Variants in OCA2 observed in about 807,000 individuals in gnomAD.
OCA2 encodes P protein.
Under a neutral mutation model 100.2 loss-of-function variants are expected in OCA2, and 77 were observed. That is an observed-to-expected ratio of 0.77 (90% CI 0.64 to 0.93). The LOEUF is 0.93. OCA2 is among the 40% of genes least tolerant of loss of function. The pLI is 0.00. For missense variants in OCA2, 1,062 were observed against 1,089.1 expected (o/e 0.98, Z 0.35); for synonymous variants, 432 against 439.2 (o/e 0.98, Z 0.21).
chr15:27,954,671 A>T (rs2040156433), intron 17 of OCA2, among the ~76,000 whole-genome samples: 1 of 152,002 alleles, frequency 6.6e-6, no homozygotes, highest in Admixed American at 6.5e-5. Flanking sequence ...ATGGGCTGAG[A>T]AAGTCCACCC....
At chr15:27,798,098 A>G (rs989282885) in intron 23 of OCA2, among the ~76,000 whole-genome samples, 1 of 152,256 alleles carries the variant, frequency 6.6e-6, no homozygotes, top group East Asian at 1.9e-4. Context: ...ATAAGCAAAG[A>G]GCAAACATTT....
intron 23 of OCA2, among the ~76,000 whole-genome samples, chr15:27,782,693 C>T (rs2032605130): frequency 6.6e-6 from 1 of 152,198 alleles, no homozygotes; most frequent in Non-Finnish European, 1.5e-5. Flanking sequence ...AGTGCTAATG[C>T]GACATCTTTC....
intron 23 of OCA2, among the ~76,000 whole-genome samples, chr15:27,792,622 G>A (rs756397706): frequency 3.2e-4 from 49 of 152,080 alleles, no homozygotes; most frequent in Non-Finnish European, 5.3e-4. Context: ...CTCCACAGCC[G>A]AGTTAGCATC....
chr15:27,835,908 G>C (rs1020124354), intron 23 of OCA2, among the ~76,000 whole-genome samples: 18 of 152,184 alleles, frequency 1.2e-4, no homozygotes, highest in African/African-American at 4.3e-4. Context: ...GTGGAGGGGG[G>C]GTGGTCACCC....
downstream of OCA2, among the ~76,000 whole-genome samples, chr15:27,753,112 A>C (rs1385792708): frequency 6.6e-6 from 1 of 152,088 alleles, no homozygotes; most frequent in Non-Finnish European, 1.5e-5. Context: ...TTTAGAGCAT[A>C]AACAAACAAC....
chr15:27,880,486 T>G (rs1042524845), intron 19 of OCA2, among the ~76,000 whole-genome samples: 1 of 152,216 alleles, frequency 6.6e-6, no homozygotes, highest in African/African-American at 2.4e-5. Flanking sequence ...TTCCTATCCA[T>G]GAACATGGTA....
intron 23 of OCA2, among the ~76,000 whole-genome samples, chr15:27,771,038 C>T (rs1164938632): frequency 1.4e-5 from 2 of 142,540 alleles, no homozygotes; most frequent in African/African-American, 5.4e-5. Flanking sequence ...CCCTCCCTCC[C>T]TCTTTTCCTT....
intron 23 of OCA2, among the ~76,000 whole-genome samples, chr15:27,760,661 TAA>T (rs2030764198): frequency 6.6e-6 from 1 of 152,004 alleles, no homozygotes; most frequent in Non-Finnish European, 1.5e-5. Context: ...ATCAAAAGAT[TAA>T]AAGTTTCTCA....
intron 18 of OCA2, 63 bp downstream of exon 18, chr15:27,951,721 G>T: frequency 8.4e-7 from 1 of 1,186,206 alleles, no homozygotes; most frequent in Non-Finnish European, 1.3e-6. Context: ...CTGGGAACAG[G>T]CTCTGAAACC....
rs115511424 is a variant in OCA2, at chr15:27,831,959, C to G, written c.2432+13000G>C. Reference sequence around the variant, plus strand: ...GACGTCCAGTGCCCGCTCCCGAGGCCGTCTCCAGCCCCCCGTGCTCAGGCG... The same window carrying G: ...GACGTCCAGTGCCCGCTCCCGAGGCGGTCTCCAGCCCCCCGTGCTCAGGCG... On this transcript the variant is annotated intron_variant, in intron 23 of 23. Coordinates refer to ENST00000354638, the MANE Select transcript of OCA2 (RefSeq NM_000275.3). Among the ~76,000 whole-genome samples, 439 of 152,166 alleles carry G rather than the reference C, an allele frequency of 2.9e-3. 1 individual carries two copies. Among genetic ancestry groups the G allele is most frequent in the African/African-American group, 0.01 (426 of 41,508 alleles).
At chr15:27,742,845 C>T in the OCA2 span, among the ~76,000 whole-genome samples, 2 of 152,224 alleles carry the variant, frequency 1.3e-5, no homozygotes, top group African/African-American at 2.4e-5. Context: ...CACACATGGC[C>T]GTGGCCTTGG....
chr15:28,073,568 T>C (rs565080045), intron 2 of OCA2, among the ~76,000 whole-genome samples: 43 of 152,092 alleles, frequency 2.8e-4, no homozygotes, highest in African/African-American at 9.9e-4. Flanking sequence ...GACATGAGTG[T>C]AGGAACAATA....
chr15:27,743,591 G>A, the OCA2 span, among the ~76,000 whole-genome samples: 2 of 152,122 alleles, frequency 1.3e-5, no homozygotes, highest in African/African-American at 4.8e-5. Context: ...GTCTGCCCAC[G>A]TGTCAGGCCC....
At chr15:27,798,366 A>C (rs1010995352) in intron 23 of OCA2, among the ~76,000 whole-genome samples, 10 of 152,232 alleles carry the variant, frequency 6.6e-5, no homozygotes, top group African/African-American at 2.4e-4. Context: ...ATTCTACCGT[A>C]GGAGAGGAGT....
At chr15:28,080,335 G>C (rs2044579879) in intron 2 of OCA2, among the ~76,000 whole-genome samples, 1 of 152,226 alleles carries the variant, frequency 6.6e-6, no homozygotes, top group South Asian at 2.1e-4. Context: ...GTTTTTAATA[G>C]CACATACTGG....
At position 27,801,407 on chromosome 15, in the gene OCA2, C is replaced by T. The variant is rs1183325710; in HGVS notation, c.2432+43552G>A. On this transcript the variant is annotated intron_variant, in intron 23 of 23. Coordinates refer to ENST00000354638, the MANE Select transcript of OCA2 (RefSeq NM_000275.3). ...TCTCTACTAAAAATACAAAAATTAG[C>T]TGAGTGTGGCGGCACACGCCTATAG... Among the ~76,000 whole-genome samples, 3 of 152,024 alleles carry T rather than the reference C, an allele frequency of 2.0e-5. No individual in the cohort carries two copies. In the East Asian group the frequency reaches 5.8e-4, roughly 29 times the overall value.
intron 9 of OCA2, among the ~76,000 whole-genome samples, chr15:28,010,461 CAAT>C (rs1054886723): frequency 7.4e-4 from 113 of 152,040 alleles, no homozygotes; most frequent in African/African-American, 2.6e-3. Context: ...TAGGAAATCT[CAAT>C]AATTTTATTT....
intron 23 of OCA2, among the ~76,000 whole-genome samples, chr15:27,822,677 T>C (rs1204206182): frequency 6.6e-6 from 1 of 152,226 alleles, no homozygotes; most frequent in Admixed American, 6.5e-5. Context: ...TATTACTGTC[T>C]ACTGGGTATC....
At chr15:28,046,630 C>A (rs1377237102) in intron 2 of OCA2, among the ~76,000 whole-genome samples, 1 of 152,116 alleles carries the variant, frequency 6.6e-6, no homozygotes, top group African/African-American at 2.4e-5. Context: ...GGGCAGAGGG[C>A]AGGGGGAAAG....
Sources: allele counts gnomAD v4.1 joint callset (sites outside exome capture counted in the v4.1 genomes callset), GRCh38; gene constraint gnomAD v4.1.1; transcripts MANE v1.5; gene names NCBI Gene and HGNC (gene_info 2026-07-23, HGNC 2026-07-21).